PDE11A: variants seen among roughly 807,000 people sequenced by gnomAD.
PDE11A encodes the protein phosphodiesterase 11A.
A neutral mutation model predicts 100.5 loss-of-function variants in PDE11A; 100 were observed. The ratio of observed to expected loss-of-function variants is 1.00; its 90% CI spans 0.85 to 1.18. The LOEUF is 1.18. Among genes scored for constraint, PDE11A ranks in the 50% most tolerant of loss-of-function variants. The probability of loss-of-function intolerance (pLI) is 0.00; values close to 1 mark genes in which losing one functional copy is unlikely to be tolerated. For missense variants in PDE11A, 1,141 were observed against 1,152.6 expected (o/e 0.99, Z 0.15); for synonymous variants, 381 against 420.8 (o/e 0.91, Z 1.16).
At chr2:177,715,164 C>T (rs937214890) in intron 12 of PDE11A, among the ~76,000 whole-genome samples, 11 of 152,230 alleles carry the variant, frequency 7.2e-5, no homozygotes, top group African/African-American at 2.2e-4. Flanking sequence ...ATTCTATTCT[C>T]GTACTCAGTG....
chr2:177,701,117 G>A lies in PDE11A; in HGVS notation c.2244+4C>T. The A allele has an allele frequency of 6.6e-7, 1 of 1,516,618 alleles. No individual in the cohort carries two copies. Among genetic ancestry groups the A allele is most frequent in the Non-Finnish European group, 9.2e-7 (1 of 1,090,910 alleles). The allele number at this position is 1,516,618 out of a possible 1,614,324, so 93.9% of individuals were successfully genotyped here. On this transcript the variant is annotated splice_donor_region_variant and intron_variant, in intron 14 of 19. Coordinates refer to ENST00000286063, the MANE Select transcript of PDE11A (RefSeq NM_016953.4). ...AGGGGAGAAGCAGAACATCAGGCCT[G>A]TACCTCACTTTGAAGGATCATCACG...
intron 16 of PDE11A, among the ~76,000 whole-genome samples, chr2:177,676,351 G>A (rs1431242001): frequency 2.0e-5 from 3 of 152,230 alleles, no homozygotes; most frequent in Non-Finnish European, 4.4e-5. Flanking sequence ...GTGATGAAAA[G>A]TAACATAGGA....
At chr2:177,869,415 G>T (rs891275770) in intron 5 of PDE11A, among the ~76,000 whole-genome samples, 8 of 152,070 alleles carry the variant, frequency 5.3e-5, no homozygotes, top group African/African-American at 1.7e-4. Flanking sequence ...TTGACATTTG[G>T]CCCTGTCTAT....
At chr2:177,807,766 T>C (rs1444557818) in intron 9 of PDE11A, among the ~76,000 whole-genome samples, 2 of 152,196 alleles carry the variant, frequency 1.3e-5, no homozygotes, top group Non-Finnish European at 2.9e-5. Flanking sequence ...ATATTGTATA[T>C]GGGTTACACT....
chr2:177,764,723 C>G (rs2082216006), intron 10 of PDE11A, among the ~76,000 whole-genome samples: 1 of 152,144 alleles, frequency 6.6e-6, no homozygotes, highest in African/African-American at 2.4e-5. Flanking sequence ...CTGTATATAA[C>G]TTTCTTATTT....
intron 2 of PDE11A, among the ~76,000 whole-genome samples, chr2:177,945,393 G>T (rs901818031): frequency 1.5e-4 from 21 of 141,808 alleles, no homozygotes; most frequent in Non-Finnish European, 3.1e-4. Context: ...CTTCCCAGCC[G>T]CCATCACATC....
chr2:177,910,429 T>TAG (rs2084861917), intron 2 of PDE11A, among the ~76,000 whole-genome samples: 3 of 70,600 alleles, frequency 4.2e-5, no homozygotes, highest in African/African-American at 4.1e-4. Context: ...TCTCTCTCTC[T>TAG]ATATATATAT....
intron 13 of PDE11A, among the ~76,000 whole-genome samples, chr2:177,704,398 T>A (rs913774654): frequency 3.3e-5 from 5 of 151,870 alleles, no homozygotes; most frequent in African/African-American, 1.2e-4. Flanking sequence ...TCCAAATGGA[T>A]CCCTTATTTA....
intron 1 of PDE11A, among the ~76,000 whole-genome samples, chr2:178,019,293 G>A (rs764543528): frequency 2.0e-4 from 30 of 152,238 alleles, no homozygotes; most frequent in Admixed American, 4.6e-4. Flanking sequence ...GAGAAGTTCC[G>A]TTTAGGGAAG....
intron 15 of PDE11A, among the ~76,000 whole-genome samples, chr2:177,689,205 C>T (rs538850924): frequency 8.5e-5 from 13 of 152,274 alleles, no homozygotes; most frequent in African/African-American, 3.1e-4. Context: ...GCCTCAGCCT[C>T]CTGAGTAGCT....
At chr2:177,935,441 T>C (rs774756045) in intron 2 of PDE11A, among the ~76,000 whole-genome samples, 23 of 152,252 alleles carry the variant, frequency 1.5e-4, no homozygotes, top group Non-Finnish European at 2.8e-4. Flanking sequence ...TTGATTTATA[T>C]ATAAAATTTT....
intron 19 of PDE11A, among the ~76,000 whole-genome samples, chr2:177,637,993 A>ATTT (rs1275015677): frequency 6.1e-5 from 3 of 49,338 alleles, no homozygotes; most frequent in Non-Finnish European, 8.4e-5. Flanking sequence ...ATATATATAT[A>ATTT]TATATTTTTT....
At chr2:178,081,741 C>T (rs1290053541) in intron 2 of PDE11A, among the ~76,000 whole-genome samples, 1 of 152,188 alleles carries the variant, frequency 6.6e-6, no homozygotes, top group Non-Finnish European at 1.5e-5. Context: ...TCTTTTCTTT[C>T]TTCAGTTGCA....
At chr2:178,012,519 T>G (rs951792613) in intron 2 of PDE11A, among the ~76,000 whole-genome samples, 5 of 152,180 alleles carry the variant, frequency 3.3e-5, no homozygotes, top group African/African-American at 1.2e-4. Flanking sequence ...AAGTGTGAGC[T>G]GTGCATCCAA....
At chr2:178,029,460 A>G (rs1176042094) in intron 1 of PDE11A, among the ~76,000 whole-genome samples, 1 of 152,188 alleles carries the variant, frequency 6.6e-6, no homozygotes, top group Non-Finnish European at 1.5e-5. Context: ...GTCTAAATAT[A>G]AAAATACCAG....
At chr2:178,101,904 A>G (rs1245870241) in intron 2 of PDE11A, among the ~76,000 whole-genome samples, 2 of 152,204 alleles carry the variant, frequency 1.3e-5, no homozygotes, top group Non-Finnish European at 2.9e-5. Context: ...AATTTTATTC[A>G]ATGTACTTTT....
At chr2:177,646,684 T>C (rs1349756400) in intron 19 of PDE11A, among the ~76,000 whole-genome samples, 2 of 152,208 alleles carry the variant, frequency 1.3e-5, no homozygotes, top group East Asian at 3.8e-4. Flanking sequence ...TGCAACTTTT[T>C]TTGTTCTATG....
chr2:178,013,093 T>A (rs1163521473), intron 2 of PDE11A, among the ~76,000 whole-genome samples: 1 of 152,318 alleles, frequency 6.6e-6, no homozygotes, highest in East Asian at 1.9e-4. Context: ...AGAGGACAGA[T>A]CAAATACCGC....
chr2:177,841,449 T>C (rs2083488987), intron 5 of PDE11A, among the ~76,000 whole-genome samples: 1 of 152,222 alleles, frequency 6.6e-6, no homozygotes, highest in South Asian at 2.1e-4. Context: ...AGAATAATCA[T>C]CACTCTATTG....
Sources: allele counts gnomAD v4.1 joint callset (sites outside exome capture counted in the v4.1 genomes callset), GRCh38; gene constraint gnomAD v4.1.1; transcripts MANE v1.5; gene names NCBI Gene and HGNC (gene_info 2026-07-23, HGNC 2026-07-21).